ERBB4: variants seen among roughly 807,000 people sequenced by gnomAD.
ERBB4 encodes the protein erb-b2 receptor tyrosine kinase 4.
Under a neutral mutation model 158.0 loss-of-function variants are expected in ERBB4, and 42 were observed. That is an observed-to-expected ratio of 0.27 (90% CI 0.21 to 0.34). The LOEUF (loss-of-function observed/expected upper bound fraction) is 0.34, where lower values mean the gene tolerates loss of function less well. Among genes scored for constraint, ERBB4 ranks in the 10% least tolerant of loss-of-function variants. ERBB4 has a pLI of 1.00. For missense variants in ERBB4, 1,333 were observed against 1,624.1 expected (o/e 0.82, Z 3.08); for synonymous variants, 583 against 558.7 (o/e 1.04, Z -0.61).
intron 3 of ERBB4, among the ~76,000 whole-genome samples, chr2:211,807,198 G>C (rs2076638727): frequency 1.3e-5 from 2 of 152,056 alleles, no homozygotes; most frequent in South Asian, 4.2e-4. Flanking sequence ...CAACGTGCAG[G>C]TTTGTTACAT....
At chr2:212,117,743 T>C (rs375846998) in intron 2 of ERBB4, among the ~76,000 whole-genome samples, 5 of 148,924 alleles carry the variant, frequency 3.4e-5, no homozygotes, top group Non-Finnish European at 4.5e-5. Flanking sequence ...CACTTTGTTA[T>C]GTCATAGATG....
chr2:211,412,329 ATTTG>A (rs974523382), intron 25 of ERBB4, among the ~76,000 whole-genome samples: 10 of 152,232 alleles, frequency 6.6e-5, no homozygotes, highest in Admixed American at 2.6e-4. Flanking sequence ...GGGGGGTTTT[ATTTG>A]TTTGTTTGTT....
At chr2:212,296,370 C>CTTGTTCCTTTCTAT (rs2086410056) in intron 1 of ERBB4, among the ~76,000 whole-genome samples, 1 of 151,344 alleles carries the variant, frequency 6.6e-6, no homozygotes, top group Non-Finnish European at 1.5e-5. Context: ...GGGTGGTTTC[C>CTTGTTCCTTTCTAT]AATGAGAGAA....
chr2:212,319,389 G>A (rs1032041526), intron 1 of ERBB4, among the ~76,000 whole-genome samples: 1 of 150,254 alleles, frequency 6.7e-6, no homozygotes, highest in African/African-American at 2.4e-5. Context: ...TATGATTGCT[G>A]TTGTTATTTT....
At chr2:211,527,791 A>T (rs568183410) in intron 20 of ERBB4, among the ~76,000 whole-genome samples, 70 of 152,198 alleles carry the variant, frequency 4.6e-4, no homozygotes, top group South Asian at 2.1e-3. Flanking sequence ...GTTATCAGCT[A>T]AAAATAATGG....
intron 1 of ERBB4, among the ~76,000 whole-genome samples, chr2:212,392,661 C>T (rs1291191033): frequency 6.6e-6 from 1 of 152,044 alleles, no homozygotes; most frequent in Admixed American, 6.6e-5. Flanking sequence ...AGAATGAGTT[C>T]CCGATCATCC....
intron 2 of ERBB4, among the ~76,000 whole-genome samples, chr2:212,110,306 T>A (rs1057307650): frequency 2.0e-5 from 3 of 152,202 alleles, no homozygotes; most frequent in African/African-American, 7.2e-5. Flanking sequence ...CTTATCCAAA[T>A]CCACCCGTCC....
intron 3 of ERBB4, among the ~76,000 whole-genome samples, chr2:211,804,638 T>G (rs530240036): frequency 5.1e-4 from 78 of 152,298 alleles, no homozygotes; most frequent in Middle Eastern, 3.4e-3. Flanking sequence ...GTGGGGTTTT[T>G]TAATGCTCTA....
At chr2:212,227,027 C>T (rs1378004815) in intron 1 of ERBB4, among the ~76,000 whole-genome samples, 1 of 152,080 alleles carries the variant, frequency 6.6e-6, no homozygotes, top group African/African-American at 2.4e-5. Context: ...TGGCAGAACG[C>T]TTAAGATTGG....
chr2:212,441,485 C>G (rs2105978072), intron 1 of ERBB4, among the ~76,000 whole-genome samples: 1 of 152,258 alleles, frequency 6.6e-6, no homozygotes, highest in Admixed American at 6.5e-5. Flanking sequence ...TTTAGTTTGA[C>G]AATGTGACTC....
At chr2:211,905,993 G>A (rs2079382817) in intron 3 of ERBB4, among the ~76,000 whole-genome samples, 1 of 151,522 alleles carries the variant, frequency 6.6e-6, no homozygotes, top group South Asian at 2.1e-4. Context: ...GGAGAGAGGG[G>A]AAAAGATTAA....
At chr2:212,102,933 T>C (rs1378738227) in intron 2 of ERBB4, among the ~76,000 whole-genome samples, 1 of 152,122 alleles carries the variant, frequency 6.6e-6, no homozygotes, top group African/African-American at 2.4e-5. Flanking sequence ...CTTTCTTACT[T>C]AGACTGCTGC....
At chr2:211,673,446 T>C (rs1241427635) in intron 13 of ERBB4, among the ~76,000 whole-genome samples, 189 bp from the exon 14 acceptor site, 1 of 143,878 alleles carries the variant, frequency 7.0e-6, no homozygotes, top group Non-Finnish European at 1.5e-5. Context: ...TGGCTCTCCC[T>C]GTCCTCCATT....
intron 5 of ERBB4, among the ~76,000 whole-genome samples, chr2:211,738,361 GTT>G (rs10535592): frequency 0.043 from 5,775 of 135,540 alleles, 375 homozygotes; most frequent in East Asian, 0.23. Context: ...CTTTGTTTTT[GTT>G]TTTTTTTTTT....
intron 2 of ERBB4, among the ~76,000 whole-genome samples, chr2:212,043,682 A>G (rs989652962): frequency 1.3e-5 from 2 of 152,132 alleles, no homozygotes; most frequent in Admixed American, 1.3e-4. Flanking sequence ...ATACATGTTA[A>G]AAGCCAGAGA....
chr2:212,434,799 C>T (rs1011535645), intron 1 of ERBB4, among the ~76,000 whole-genome samples: 1 of 151,994 alleles, frequency 6.6e-6, no homozygotes, highest in African/African-American at 2.4e-5. Flanking sequence ...ATTCTTATTA[C>T]ATACAACTGA....
intron 20 of ERBB4, among the ~76,000 whole-genome samples, chr2:211,458,373 C>A (rs1336220093): frequency 6.6e-6 from 1 of 151,790 alleles, no homozygotes; most frequent in African/African-American, 2.4e-5. Context: ...TTCAAGTGAT[C>A]CCCCTGCCTC....
intron 4 of ERBB4, among the ~76,000 whole-genome samples, chr2:211,774,869 C>A (rs1312513791): frequency 6.6e-6 from 1 of 152,116 alleles, no homozygotes; most frequent in African/African-American, 2.4e-5. Context: ...TGGAGAATGT[C>A]TTCATGTTAC....
chr2:212,022,696 A>T (rs2076683200), intron 2 of ERBB4, among the ~76,000 whole-genome samples: 2 of 152,134 alleles, frequency 1.3e-5, no homozygotes, highest in Admixed American at 6.6e-5. Context: ...AAAAATAAAA[A>T]ACATAAAAAA....
Sources: gnomAD v4.1 joint callset for allele counts (sites outside exome capture counted in the v4.1 genomes callset) on GRCh38, gnomAD v4.1.1 for gene constraint, MANE v1.5 for transcripts, NCBI Gene and HGNC (gene_info 2026-07-23, HGNC 2026-07-21) for gene names.